ADGRB3: variants seen among roughly 807,000 people sequenced by gnomAD.
The protein encoded by ADGRB3 is brain-specific angiogenesis inhibitor 3.
In ADGRB3, 37 loss-of-function variants were observed where a neutral mutation model predicts 193.4. That is an observed-to-expected ratio of 0.19 (90% CI 0.15 to 0.25). ADGRB3 has a LOEUF of 0.25. ADGRB3 is among the 10% of genes least tolerant of loss of function. The probability of loss-of-function intolerance (pLI) is 1.00; values close to 1 mark genes in which losing one functional copy is unlikely to be tolerated. For synonymous variants in ADGRB3, 690 were observed against 644.2 expected, an observed-to-expected ratio of 1.07 and a Z score of -1.08; for missense variants, 1,637 against 1,852.9, an observed-to-expected ratio of 0.88 and a Z score of 2.14.
intron 3 of ADGRB3, among the ~76,000 whole-genome samples, chr6:68,649,449 G>T (rs530273827): frequency 7.9e-5 from 12 of 152,164 alleles, no homozygotes; most frequent in African/African-American, 2.9e-4. Context: ...ATCAGACATT[G>T]TCTGATTGAC....
intron 24 of ADGRB3, among the ~76,000 whole-genome samples, chr6:69,335,512 A>G (rs1232254116): frequency 6.6e-6 from 1 of 152,128 alleles, no homozygotes; most frequent in Admixed American, 6.5e-5. Flanking sequence ...TTTTCAAATT[A>G]TATTTCTAAT....
chr6:69,282,939 G>C (rs1767466744), intron 20 of ADGRB3, among the ~76,000 whole-genome samples: 1 of 152,118 alleles, frequency 6.6e-6, no homozygotes, highest in African/African-American at 2.4e-5. Context: ...GTAGGAGTGT[G>C]AGAATAGATC....
intron 3 of ADGRB3, among the ~76,000 whole-genome samples, chr6:68,702,880 T>C (rs965046790): frequency 6.6e-6 from 1 of 152,222 alleles, no homozygotes; most frequent in African/African-American, 2.4e-5. Context: ...TTGCTTTTGT[T>C]TTCTGGATAC....
At position 69,348,493 on chromosome 6, in the gene ADGRB3, C is replaced by CAAA. The variant is rs5877205; in HGVS notation, c.3460-5722_3460-5720dup. ...GAAACCCTGTCTTTACTAAAAAATG[C>CAAA]AAAAAAAAAAAAAAAAAAAATTAGC... is the stretch of plus-strand genomic sequence containing the variant. On this transcript the variant is annotated intron_variant, in intron 26 of 31. Coordinates refer to ENST00000370598, the MANE Select transcript of ADGRB3 (RefSeq NM_001704.3). Among the ~76,000 whole-genome samples, 753 of 114,814 alleles carry CAAA rather than the reference C, an allele frequency of 6.6e-3. 10 individuals are homozygous for CAAA. Among genetic ancestry groups the CAAA allele is most frequent in the African/African-American group, 0.018 (553 of 31,426 alleles). The allele number at this position is 114,814 out of a possible 152,430, so 75.3% of individuals were successfully genotyped here. A position where few individuals can be genotyped will look rare whatever the true frequency, so the allele number is the denominator to read the frequency against.
At chr6:69,365,946 A>C (rs1274593200) in intron 29 of ADGRB3, among the ~76,000 whole-genome samples, 3 of 152,080 alleles carry the variant, frequency 2.0e-5, no homozygotes, top group African/African-American at 7.2e-5. Context: ...TGTTATTATT[A>C]TGTCATTACT....
Position 68,739,220 on chromosome 6 carries a change from C to T in ADGRB3, c.757+99788C>T, listed in dbSNP as rs143276681. Among the ~76,000 whole-genome samples the T allele has an allele frequency of 1.4e-3, 206 of 151,948 alleles. 1 individual carries two copies. The highest frequency in any genetic ancestry group is 4.6e-3 in the African/African-American group (189 of 41,430). Reference sequence around the variant, plus strand: ...AATGGATTGGATTTAAGGGTAAATACGAAGAAAGGGATCGGAAGCAATGAG... The same window carrying T: ...AATGGATTGGATTTAAGGGTAAATATGAAGAAAGGGATCGGAAGCAATGAG... On this transcript the variant is annotated intron_variant, in intron 3 of 31. Coordinates refer to ENST00000370598, the MANE Select transcript of ADGRB3 (RefSeq NM_001704.3).
intron 3 of ADGRB3, among the ~76,000 whole-genome samples, chr6:68,750,050 A>G (rs9346237): frequency 0.25 from 37,456 of 152,114 alleles, 5,452 homozygotes; most frequent in Middle Eastern, 0.34. Context: ...TGAAAAAAAT[A>G]CATTAGAATA....
intron 13 of ADGRB3, among the ~76,000 whole-genome samples, chr6:69,047,517 ATATT>A (rs1172228448): frequency 6.6e-6 from 1 of 151,574 alleles, no homozygotes. Flanking sequence ...TATATAATAT[ATATT>A]TATACACACA....
chr6:68,916,067 A>G (rs1766869787), intron 3 of ADGRB3, among the ~76,000 whole-genome samples: 1 of 152,194 alleles, frequency 6.6e-6, no homozygotes, highest in East Asian at 1.9e-4. Flanking sequence ...CAAACCAAGA[A>G]CTAGGAAAAA....
chr6:68,655,700 C>G (rs1768475742), intron 3 of ADGRB3, among the ~76,000 whole-genome samples: 1 of 151,536 alleles, frequency 6.6e-6, no homozygotes, highest in South Asian at 2.1e-4. Flanking sequence ...AAATATCAAC[C>G]ACTGTTTACA....
chr6:69,069,731 TA>T (rs754345752), intron 16 of ADGRB3, among the ~76,000 whole-genome samples: 300 of 108,222 alleles, frequency 2.8e-3, no homozygotes, highest in Middle Eastern at 0.01. Flanking sequence ...ACTCTCTCAT[TA>T]AAAAAAAAAA....
chr6:68,971,560 G>T (rs909813045), intron 8 of ADGRB3, among the ~76,000 whole-genome samples: 3 of 152,004 alleles, frequency 2.0e-5, no homozygotes, highest in Admixed American at 6.6e-5. Context: ...AAGAGCGTAG[G>T]TTTCAAATAC....
intron 22 of ADGRB3, 75 bp from the exon 23 acceptor site, chr6:69,330,431 G>T: frequency 8.9e-7 from 1 of 1,121,054 alleles, no homozygotes. Context: ...TATAATCTAA[G>T]TTGTTTGTAT....
intron 3 of ADGRB3, among the ~76,000 whole-genome samples, chr6:68,701,238 T>C (rs1382200835): frequency 1.3e-5 from 2 of 152,130 alleles, no homozygotes; most frequent in Non-Finnish European, 2.9e-5. Context: ...AATGGTACAA[T>C]AGTAAAGCCA....
chr6:68,737,599 C>T (rs912189496), intron 3 of ADGRB3, among the ~76,000 whole-genome samples: 1 of 152,042 alleles, frequency 6.6e-6, no homozygotes, highest in African/African-American at 2.4e-5. Context: ...AGTGGAGTGA[C>T]TGTAGAGACC....
At chr6:69,224,384 C>T (rs1486262601) in intron 17 of ADGRB3, among the ~76,000 whole-genome samples, 1 of 151,916 alleles carries the variant, frequency 6.6e-6, no homozygotes, top group East Asian at 1.9e-4. Context: ...TCTGCTTTTT[C>T]AAGGTTGTGC....
At chr6:69,199,847 C>T (rs1437840914) in intron 17 of ADGRB3, among the ~76,000 whole-genome samples, 3 of 151,992 alleles carry the variant, frequency 2.0e-5, no homozygotes, top group African/African-American at 4.8e-5. Context: ...AATAGTGACC[C>T]TCTTGCAAGG....
chr6:69,173,768 T>C (rs1040585745), intron 17 of ADGRB3, among the ~76,000 whole-genome samples: 2 of 152,006 alleles, frequency 1.3e-5, no homozygotes, highest in African/African-American at 2.4e-5. Flanking sequence ...ATAAAAAAGG[T>C]CAGAGAATAA....
At chr6:68,995,908 C>T (rs1013994638) in intron 11 of ADGRB3, among the ~76,000 whole-genome samples, 1 of 152,112 alleles carries the variant, frequency 6.6e-6, no homozygotes, top group Non-Finnish European at 1.5e-5. Flanking sequence ...ATTTTTATCT[C>T]TTGTATTCTA....
Sources: gnomAD v4.1 joint callset for allele counts (sites outside exome capture counted in the v4.1 genomes callset) on GRCh38, gnomAD v4.1.1 for gene constraint, MANE v1.5 for transcripts, NCBI Gene and HGNC (gene_info 2026-07-23, HGNC 2026-07-21) for gene names.